Variants in TMEM106B observed in about 807,000 individuals in gnomAD.
TMEM106B encodes the protein transmembrane protein 106B.
TMEM106B carries 15 observed loss-of-function variants against 31.1 expected under a neutral mutation model. That is an observed-to-expected ratio of 0.48 (90% CI 0.32 to 0.74). The LOEUF (loss-of-function observed/expected upper bound fraction) is 0.74. Among genes scored for constraint, TMEM106B ranks in the 30% least tolerant of loss-of-function variants. TMEM106B has a pLI of 0.03. For synonymous variants in TMEM106B, 126 were observed against 112.5 expected, an observed-to-expected ratio of 1.12 and a Z score of -0.76; for missense variants, 283 against 327.3, an observed-to-expected ratio of 0.86 and a Z score of 1.04.
intron 1 of TMEM106B, among the ~76,000 whole-genome samples, chr7:12,213,761 T>TA (rs2128523834): frequency 6.6e-6 from 1 of 152,316 alleles, no homozygotes; most frequent in African/African-American, 2.4e-5. Flanking sequence ...ATCCAAAAGG[T>TA]ATAATCCAAA....
intron 3 of TMEM106B, among the ~76,000 whole-genome samples, chr7:12,220,097 C>G (rs1042266137): frequency 2.6e-5 from 4 of 152,004 alleles, no homozygotes; most frequent in South Asian, 2.1e-4. Context: ...ACTACAGTGC[C>G]TCAAACGGAT....
intron 4 of TMEM106B, among the ~76,000 whole-genome samples, chr7:12,227,223 A>T (rs182911608): frequency 1.3e-5 from 2 of 152,070 alleles, no homozygotes; most frequent in East Asian, 1.9e-4. Flanking sequence ...TACATTATCT[A>T]TAAGTATGTT....
chr7:12,220,819 A>G (rs1781771542), intron 3 of TMEM106B, among the ~76,000 whole-genome samples: 1 of 152,222 alleles, frequency 6.6e-6, no homozygotes, highest in Non-Finnish European at 1.5e-5. Context: ...TGTTTGCAGA[A>G]GCAAACAACT....
intron 7 of TMEM106B, 129 bp downstream of exon 7, chr7:12,231,244 A>T: frequency 1.6e-6 from 1 of 632,998 alleles, no homozygotes; most frequent in South Asian, 2.0e-5. Flanking sequence ...CAAGAGTGCT[A>T]TGAGTAAATA....
Position 12,233,415 on chromosome 7 carries a change from G to C in TMEM106B, c.*1440G>C, listed in dbSNP as rs1782067359. On this transcript the variant is annotated 3_prime_UTR_variant, in exon 8 of 8. Transcript: ENST00000396668. The stretch of plus-strand genomic sequence containing the variant: ...ACCCCTAAGTGCCTAACTTAGGTCT[G>C]AAACAGCCTGTTTATTAGTCTGACT... 1 of 151,370 alleles carries C rather than the reference G, an allele frequency of 6.6e-6. No homozygotes were observed. Among genetic ancestry groups the C allele is most frequent in the African/African-American group, 2.4e-5 (1 of 41,328 alleles). 9.4% of individuals were successfully genotyped at this position (151,370 alleles called of 1,614,324 possible). A position where few individuals can be genotyped will look rare whatever the true frequency, so the allele number is the denominator to read the frequency against.
chr7:12,237,009 G>C lies in TMEM106B; in HGVS notation c.*5034G>C, dbSNP rs1197082426. On this transcript the variant is annotated 3_prime_UTR_variant, in exon 8 of 8. Transcript: ENST00000396668. ...ATATAGAATATGAAAATATGTTTGGGCATTTACTGTTTATATTATGTAGTA... is the reference window on the plus strand; with the variant it reads ...ATATAGAATATGAAAATATGTTTGGCCATTTACTGTTTATATTATGTAGTA... The C allele has an allele frequency of 6.6e-6, 1 of 151,806 alleles. No homozygotes were observed. The highest frequency in any genetic ancestry group is 1.5e-5 in the Non-Finnish European group (1 of 67,902). The allele number at this position is 151,806 out of a possible 1,614,324, so 9.4% of individuals were successfully genotyped here.
intron 2 of TMEM106B, among the ~76,000 whole-genome samples, chr7:12,217,092 A>G (rs992410028): frequency 7.9e-5 from 12 of 152,180 alleles, no homozygotes; most frequent in African/African-American, 2.4e-4. Context: ...AATTATCTGT[A>G]GAGAAAACAT....
chr7:12,240,113 T>C lies in TMEM106B; in HGVS notation c.*8138T>C, dbSNP rs995894640. ...AGAACCTTTCATTAGCTGGCTACAATCTCAGTTCACAATCATTTCTTATTG... is the reference window on the plus strand; with the variant it reads ...AGAACCTTTCATTAGCTGGCTACAACCTCAGTTCACAATCATTTCTTATTG... On this transcript the variant is annotated 3_prime_UTR_variant, in exon 8 of 8. Transcript: ENST00000396668. 6.6e-6 allele frequency: 1 copy of C among 152,152 alleles called. No individual in the cohort carries two copies. The highest frequency in any genetic ancestry group is 2.4e-5 in the African/African-American group (1 of 41,454). The allele number at this position is 152,152 out of a possible 1,614,324, so 9.4% of individuals were successfully genotyped here. A position where few individuals can be genotyped will look rare whatever the true frequency, so the allele number is the denominator to read the frequency against.
Position 12,238,760 on chromosome 7 carries a change from T to C in TMEM106B, c.*6785T>C, listed in dbSNP as rs1196631209. The C allele has an allele frequency of 6.6e-6, 1 of 151,438 alleles. No individual in the cohort carries two copies. Among genetic ancestry groups the C allele is most frequent in the Non-Finnish European group, 1.5e-5 (1 of 67,708 alleles). The allele number at this position is 151,438 out of a possible 1,614,324, so 9.4% of individuals were successfully genotyped here. A position where few individuals can be genotyped will look rare whatever the true frequency, so the allele number is the denominator to read the frequency against. Reference sequence around the variant, plus strand: ...ATGAGTAGTAATACTTTGAAAGGAATTTTTTTTTCCAAGCAGGTCTCAACA... The same window carrying C: ...ATGAGTAGTAATACTTTGAAAGGAACTTTTTTTTCCAAGCAGGTCTCAACA... On this transcript the variant is annotated 3_prime_UTR_variant, in exon 8 of 8. Coordinates refer to ENST00000396668, the MANE Select transcript of TMEM106B (RefSeq NM_001134232.2).
At chr7:12,222,478 T>C (rs1254255244) in intron 3 of TMEM106B, among the ~76,000 whole-genome samples, 2 of 152,178 alleles carry the variant, frequency 1.3e-5, no homozygotes, top group Non-Finnish European at 2.9e-5. Context: ...TTATAAGCCC[T>C]AAGGACTAGA....
intron 1 of TMEM106B, chr7:12,214,311 C>T (rs1781641760): frequency 6.5e-6 from 1 of 152,762 alleles, no homozygotes; most frequent in African/African-American, 2.4e-5. Flanking sequence ...GAGGCATCAT[C>T]TAGATAATCA....
chr7:12,226,168 G>A (rs1445298349), intron 4 of TMEM106B, among the ~76,000 whole-genome samples: 2 of 152,080 alleles, frequency 1.3e-5, no homozygotes, highest in South Asian at 4.1e-4. Context: ...GTTTGTCAAA[G>A]ATCAGATGGT....
Position 12,239,859 on chromosome 7 carries a change from A to C in TMEM106B, c.*7884A>C, listed in dbSNP as rs1008490765. On this transcript the variant is annotated 3_prime_UTR_variant, in exon 8 of 8. Coordinates refer to ENST00000396668, the MANE Select transcript of TMEM106B (RefSeq NM_001134232.2). ...TTAAAATAGGTTTAATAATAATGGA[A>C]ACATTTGAAATATTGCAAAAATTAC... 1.3e-5 allele frequency: 2 copies of C among 152,184 alleles called. No individual in the cohort carries two copies. Among genetic ancestry groups the C allele is most frequent in the African/African-American group, 4.8e-5 (2 of 41,452 alleles). 9.4% of individuals were successfully genotyped at this position (152,184 alleles called of 1,614,324 possible). A position where few individuals can be genotyped will look rare whatever the true frequency, so the allele number is the denominator to read the frequency against.
intron 3 of TMEM106B, among the ~76,000 whole-genome samples, chr7:12,220,788 G>C (rs150890047): frequency 6.6e-6 from 1 of 152,044 alleles, no homozygotes; most frequent in Non-Finnish European, 1.5e-5. Context: ...TGGTATTTGC[G>C]CAAATTATTT....
rs374577371 is a variant in TMEM106B, at chr7:12,229,783, C to A, written c.546C>A (p.Asn182Lys). 6.2e-7 allele frequency: 1 copy of A among 1,610,870 alleles called. No individual in the cohort carries two copies. The highest frequency in any genetic ancestry group is 8.5e-7 in the Non-Finnish European group (1 of 1,178,996). The change falls in exon 5 of 8, where the codon AAC (asparagine) becomes AAA (lysine). Residue 182 changes from asparagine (N) to lysine (K), a missense_variant. Asn to Lys is a moderately conservative substitution (Grantham distance 94, BLOSUM62 0). Coordinates refer to ENST00000396668, the MANE Select transcript of TMEM106B (RefSeq NM_001134232.2). ...CAGTTATTGGAAAGGCACGCTTAAA[C>A]AACATAACCATTATTGGTCCACTTG... ...SKTVIGKARL[N>K]NITIIGPLDM...
rs1782112171 is a variant in TMEM106B, at chr7:12,235,415, A to G, written c.*3440A>G. 1 of 152,162 alleles carries G rather than the reference A, an allele frequency of 6.6e-6. No individual in the cohort carries two copies. The allele number at this position is 152,162 out of a possible 1,614,324, so 9.4% of individuals were successfully genotyped here. ...GTGTACAGTTTTTCTGTGCCTTGTT[A>G]GGCCAGTGAAGCAATTATTTTCTCT... On this transcript the variant is annotated 3_prime_UTR_variant, in exon 8 of 8. Transcript: ENST00000396668.
rs1038188598 is a variant in TMEM106B, at chr7:12,238,434, C to G, written c.*6459C>G. The G allele has an allele frequency of 1.3e-5, 2 of 152,162 alleles. No homozygotes were observed. The highest frequency in any genetic ancestry group is 4.8e-5 in the African/African-American group (2 of 41,424). The allele number at this position is 152,162 out of a possible 1,614,324, so 9.4% of individuals were successfully genotyped here. On this transcript the variant is annotated 3_prime_UTR_variant, in exon 8 of 8. Transcript: ENST00000396668. ...CATGAGAGTTGAAATCAATTTCTTTCAAACTCCTGTTAATGTTCATATTTA... is the reference window on the plus strand; with the variant it reads ...CATGAGAGTTGAAATCAATTTCTTTGAAACTCCTGTTAATGTTCATATTTA...
In TMEM106B at chr7:12,232,762, A is replaced by G. The variant is rs1262027872; in HGVS notation, c.*787A>G. Reference sequence around the variant, plus strand: ...TAGTAAATGTCAAATAAAGTGGTACAGACTCATTACAACAAGTTTCTCATA... The same window carrying G: ...TAGTAAATGTCAAATAAAGTGGTACGGACTCATTACAACAAGTTTCTCATA... On this transcript the variant is annotated 3_prime_UTR_variant, in exon 8 of 8. Transcript: ENST00000396668. 6.6e-6 allele frequency: 1 copy of G among 152,364 alleles called. No homozygotes were observed. The highest frequency in any genetic ancestry group is 1.5e-5 in the Non-Finnish European group (1 of 67,810). 9.4% of individuals were successfully genotyped at this position (152,364 alleles called of 1,614,324 possible).
chr7:12,226,096 G>A (rs549917403), intron 4 of TMEM106B, among the ~76,000 whole-genome samples: 30 of 151,736 alleles, frequency 2.0e-4, no homozygotes, highest in Middle Eastern at 3.4e-3. Flanking sequence ...CTTATGACAA[G>A]CCAGTTTTCC....
Sources: gnomAD v4.1 joint callset for allele counts (sites outside exome capture counted in the v4.1 genomes callset) on GRCh38, gnomAD v4.1.1 for gene constraint, MANE v1.5 for transcripts, NCBI Gene and HGNC (gene_info 2026-07-23, HGNC 2026-07-21) for gene names.